Variants in ARL15 observed in about 807,000 individuals in gnomAD.
ARL15 encodes ARF like GTPase 15, also known as ADP-ribosylation factor-like protein 15.
ARL15 carries 19 observed loss-of-function variants against 25.2 expected under a neutral mutation model. The ratio of observed to expected loss-of-function variants is 0.75; its 90% CI spans 0.53 to 1.10. ARL15 has a LOEUF of 1.10. ARL15 is among the 50% of genes least tolerant of loss of function. The pLI is 0.00. For synonymous variants in ARL15, 94 were observed against 86.8 expected (o/e 1.08, Z -0.46); for missense variants, 220 against 246.0 (o/e 0.89, Z 0.71).
intron 4 of ARL15, among the ~76,000 whole-genome samples, chr5:54,037,450 A>G (rs1277525538): frequency 6.6e-6 from 1 of 152,124 alleles, no homozygotes; most frequent in Non-Finnish European, 1.5e-5. Context: ...TAAGAAAGTA[A>G]TCATTTATTT....
chr5:54,236,762 A>C (rs1756821597), intron 1 of ARL15, among the ~76,000 whole-genome samples: 1 of 152,148 alleles, frequency 6.6e-6, no homozygotes. Context: ...AAAACTCTTT[A>C]ATCTTTTATC....
At chr5:54,121,155 G>A (rs1219761257) in intron 3 of ARL15, among the ~76,000 whole-genome samples, 1 of 152,162 alleles carries the variant, frequency 6.6e-6, no homozygotes, top group African/African-American at 2.4e-5. Context: ...TTTTTCGTCT[G>A]TGACTAATCA....
At chr5:54,129,365 TG>T (rs1312909883) in intron 3 of ARL15, among the ~76,000 whole-genome samples, 8 of 152,292 alleles carry the variant, frequency 5.3e-5, no homozygotes, top group Non-Finnish European at 1.2e-4. Context: ...CACAATTTCT[TG>T]GCTCCCTATT....
intron 2 of ARL15, among the ~76,000 whole-genome samples, chr5:54,166,470 G>A (rs1754570917): frequency 6.6e-6 from 1 of 152,022 alleles, no homozygotes; most frequent in African/African-American, 2.4e-5. Context: ...CAAAGTATTG[G>A]GATTACAAGT....
intron 4 of ARL15, chr5:53,951,500 G>A: frequency 2.1e-6 from 1 of 471,648 alleles, no homozygotes; most frequent in Non-Finnish European, 4.4e-6. Context: ...ACTGGCACCA[G>A]TCTGCAGGTG....
At chr5:54,075,830 G>A (rs541745956) in intron 4 of ARL15, among the ~76,000 whole-genome samples, 10 of 152,166 alleles carry the variant, frequency 6.6e-5, no homozygotes, top group African/African-American at 2.4e-4. Flanking sequence ...ATTTAATCTT[G>A]TATTTAAGTT....
chr5:53,967,404 G>A (rs941826213), intron 4 of ARL15, among the ~76,000 whole-genome samples: 2 of 152,178 alleles, frequency 1.3e-5, no homozygotes, highest in African/African-American at 4.8e-5. Flanking sequence ...GCAGATGAGA[G>A]ATTTCAGCAA....
At chr5:54,085,992 G>A (rs1233305023) in intron 4 of ARL15, among the ~76,000 whole-genome samples, 4 of 151,222 alleles carry the variant, frequency 2.6e-5, no homozygotes, top group African/African-American at 4.9e-5. Context: ...TAGGCTCACC[G>A]CAACCTCCCT....
At chr5:54,190,720 A>G (rs1755374704) in intron 1 of ARL15, among the ~76,000 whole-genome samples, 2 of 152,178 alleles carry the variant, frequency 1.3e-5, no homozygotes, top group African/African-American at 4.8e-5. Flanking sequence ...ATACCATCAC[A>G]TTGGGTCTTA....
intron 4 of ARL15, among the ~76,000 whole-genome samples, chr5:54,105,513 GA>G (rs1752562217): frequency 1.3e-5 from 2 of 152,062 alleles, no homozygotes; most frequent in African/African-American, 4.8e-5. Context: ...TTAAATATAA[GA>G]ATTTTTTAAA....
At chr5:54,131,396 T>C (rs1753430185) in intron 3 of ARL15, among the ~76,000 whole-genome samples, 1 of 152,168 alleles carries the variant, frequency 6.6e-6, no homozygotes, top group Non-Finnish European at 1.5e-5. Context: ...TTTCTCCTCC[T>C]CCTGGGGATC....
At chr5:54,136,008 C>A (rs1753591498) in intron 3 of ARL15, among the ~76,000 whole-genome samples, 1 of 152,124 alleles carries the variant, frequency 6.6e-6, no homozygotes, top group African/African-American at 2.4e-5. Flanking sequence ...TGCCTTGTCT[C>A]ATGTGGGGCA....
intron 4 of ARL15, among the ~76,000 whole-genome samples, chr5:53,986,454 G>C (rs1469009089): frequency 6.6e-6 from 1 of 152,144 alleles, no homozygotes; most frequent in Non-Finnish European, 1.5e-5. Flanking sequence ...ATTTTAATGT[G>C]AGCTAAAATC....
intron 1 of ARL15, among the ~76,000 whole-genome samples, chr5:54,255,641 G>T (rs541181993): frequency 6.6e-6 from 1 of 152,220 alleles, no homozygotes; most frequent in South Asian, 2.1e-4. Context: ...CTTTTTGAGC[G>T]CTAACATGAT....
chr5:53,937,849 G>A (rs1444777563), intron 4 of ARL15, among the ~76,000 whole-genome samples: 2 of 151,914 alleles, frequency 1.3e-5, no homozygotes, highest in East Asian at 3.9e-4. Flanking sequence ...GGGTGGAGTG[G>A]GGTGGGGTGA....
chr5:54,172,022 T>TA, intron 1 of ARL15, 94 bp from the exon 2 acceptor site: 2 of 1,435,668 alleles, frequency 1.4e-6, no homozygotes, highest in Non-Finnish European at 1.9e-6. Flanking sequence ...TATTAAGAGG[T>TA]AATTGAATAA....
At chr5:54,303,821 C>T (rs906523769) in intron 1 of ARL15, among the ~76,000 whole-genome samples, 14 of 151,828 alleles carry the variant, frequency 9.2e-5, no homozygotes, top group Non-Finnish European at 1.6e-4. Context: ...AGGAATGTGC[C>T]CCCAAAAGTG....
intron 4 of ARL15, among the ~76,000 whole-genome samples, chr5:53,969,858 T>G (rs1193931568): frequency 6.6e-6 from 1 of 152,150 alleles, no homozygotes; most frequent in Non-Finnish European, 1.5e-5. Flanking sequence ...AAATCCCATG[T>G]TTGAGAAGTT....
At chr5:53,954,941 T>C (rs1338949474) in intron 4 of ARL15, among the ~76,000 whole-genome samples, 1 of 152,104 alleles carries the variant, frequency 6.6e-6, no homozygotes, top group Non-Finnish European at 1.5e-5. Context: ...AACATCACTT[T>C]CTGGAATCTG....
Sources: gnomAD v4.1 joint callset for allele counts (sites outside exome capture counted in the v4.1 genomes callset) on GRCh38, gnomAD v4.1.1 for gene constraint, MANE v1.5 for transcripts, NCBI Gene and HGNC (gene_info 2026-07-23, HGNC 2026-07-21) for gene names.